CARF: variants seen among roughly 807,000 people sequenced by gnomAD.
CARF encodes the protein calcium-responsive transcription factor.
Under a neutral mutation model 82.0 loss-of-function variants are expected in CARF, and 57 were observed. The ratio of observed to expected loss-of-function variants is 0.70; its 90% CI spans 0.56 to 0.87. The LOEUF (loss-of-function observed/expected upper bound fraction) is 0.87, where lower values mean the gene tolerates loss of function less well. CARF is among the 40% of genes least tolerant of loss of function. The pLI is 0.00. For missense variants in CARF, 771 were observed against 855.8 expected, an observed-to-expected ratio of 0.90 and a Z score of 1.24; for synonymous variants, 268 against 290.1, an observed-to-expected ratio of 0.92 and a Z score of 0.77.
intron 12 of CARF, among the ~76,000 whole-genome samples, chr2:202,973,095 T>G (rs2059872290): frequency 6.6e-6 from 1 of 152,150 alleles, no homozygotes; most frequent in Non-Finnish European, 1.5e-5. Context: ...GAGAAAATAA[T>G]TTGGTTTTGT....
At position 202,982,108 on chromosome 2, in the gene CARF, G is replaced by A. The variant is rs375725532; in HGVS notation, c.1726G>A (p.Glu576Lys). The change falls in exon 16 of 17, where the codon GAA becomes AAA. Residue 576 changes from glutamate (E) to lysine (K), a missense_variant. By Grantham distance (56) the Glu-to-Lys change is moderately conservative. Coordinates refer to ENST00000438828, the MANE Select transcript of CARF (RefSeq NM_024744.17). ...QLQPRYTSPD[E>K]SPAVVSVNNQ... ...ACAACCAAGGTACACCTCTCCTGAT[G>A]AATCACCAGCTGTGGTATCAGTAAA... 2.9e-5 allele frequency: 46 copies of A among 1,613,958 alleles called. No homozygotes were observed. The highest frequency in any genetic ancestry group is 3.7e-5 in the Non-Finnish European group (44 of 1,179,976).
intron 7 of CARF, 152 bp downstream of exon 7, chr2:202,954,286 G>T: frequency 3.3e-6 from 3 of 913,058 alleles, no homozygotes; most frequent in Non-Finnish European, 4.6e-6. Flanking sequence ...AGGCATCTTG[G>T]TCATAAGGCG....
chr2:202,925,189 A>C, intron 3 of CARF: 3 of 326,852 alleles, frequency 9.2e-6, no homozygotes, highest in Non-Finnish European at 1.8e-5. Context: ...TTAAATAACC[A>C]AGCCTACAGA....
chr2:202,969,032 A>G (rs530166201), intron 10 of CARF, among the ~76,000 whole-genome samples: 2 of 152,248 alleles, frequency 1.3e-5, no homozygotes, highest in African/African-American at 2.4e-5. Flanking sequence ...GCTCACGCCT[A>G]TAATCCCAGA....
At position 202,983,576 on chromosome 2, in the gene CARF, T is replaced by A. The variant is rs2060349178; in HGVS notation, c.2130T>A (p.Ser710=). 1 of 1,611,872 alleles carries A rather than the reference T, an allele frequency of 6.2e-7. No homozygotes were observed. Among genetic ancestry groups the A allele is most frequent in the East Asian group, 2.2e-5 (1 of 44,786 alleles). Residue 710 remains serine, a synonymous_variant, in exon 17 of 17, where the codon TCT becomes TCA. Coordinates refer to ENST00000438828, the MANE Select transcript of CARF (RefSeq NM_024744.17). ...AAGAACCCAAAGAACCAGCATTGTC[T>A]ATGGAAGCAAAAAAAACTGTGGACT... ...VKQEPKEPAL[S]MEAKKTVDYK... is the part of the protein sequence containing the mutation.
At chr2:202,921,817 A>T (rs1446129667) in intron 2 of CARF, among the ~76,000 whole-genome samples, 2 of 152,122 alleles carry the variant, frequency 1.3e-5, no homozygotes, top group Admixed American at 1.3e-4. Context: ...TAAAACTTAA[A>T]ATTTTATTGA....
chr2:202,920,434 C>T (rs954103999), intron 2 of CARF, among the ~76,000 whole-genome samples: 5 of 152,098 alleles, frequency 3.3e-5, no homozygotes, highest in African/African-American at 9.7e-5. Context: ...GGATTACAGG[C>T]GTAAGCCACC....
At chr2:202,926,494 T>G (rs1478177140) in intron 3 of CARF, among the ~76,000 whole-genome samples, 1 of 152,206 alleles carries the variant, frequency 6.6e-6, no homozygotes, top group Non-Finnish European at 1.5e-5. Flanking sequence ...AATACCTTGA[T>G]TGTTATATCT....
chr2:202,945,110 G>A (rs759834863), intron 5 of CARF, among the ~76,000 whole-genome samples: 15 of 152,216 alleles, frequency 9.9e-5, no homozygotes, highest in African/African-American at 3.4e-4. Flanking sequence ...AGAATATTCC[G>A]GGAAACTTAG....
chr2:202,917,391 G>A (rs1689939439), intron 1 of CARF, among the ~76,000 whole-genome samples: 1 of 152,004 alleles, frequency 6.6e-6, no homozygotes, highest in African/African-American at 2.4e-5. Flanking sequence ...ATCATTAACT[G>A]TTTAGGCTCC....
At position 202,982,102 on chromosome 2, in the gene CARF, C is replaced by T; in HGVS notation, c.1720C>T (p.Pro574Ser). The T allele has an allele frequency of 6.2e-7, 1 of 1,614,082 alleles. No homozygotes were observed. Residue 574 changes from proline (P) to serine (S), a missense_variant, in exon 16 of 17, where the codon CCT becomes TCT. By Grantham distance (74) the Pro-to-Ser change is moderately conservative (BLOSUM62 -1). Coordinates refer to ENST00000438828, the MANE Select transcript of CARF (RefSeq NM_024744.17). ...GLQLQPRYTS[P>S]DESPAVVSVN... ...GCAGTTACAACCAAGGTACACCTCTCCTGATGAATCACCAGCTGTGGTATC... is the reference window on the plus strand; with the variant it reads ...GCAGTTACAACCAAGGTACACCTCTTCTGATGAATCACCAGCTGTGGTATC...
chr2:202,967,103 G>A lies in CARF; in HGVS notation c.953+5G>A. On this transcript the variant is annotated splice_donor_5th_base_variant and intron_variant, in intron 10 of 16. Transcript: ENST00000438828. The stretch of plus-strand genomic sequence containing the variant: ...CAAAGCCACTTGTCCAGCTCGGTAA[G>A]CTTTATTTTCTTTTATTTGTTTTCT... 1 of 1,607,656 alleles carries A rather than the reference G, an allele frequency of 6.2e-7. No homozygotes were observed. The highest frequency in any genetic ancestry group is 1.7e-5 in the Admixed American group (1 of 57,840).
chr2:202,977,367 C>T, intron 14 of CARF, 35 bp downstream of exon 14: 1 of 1,479,294 alleles, frequency 6.8e-7, no homozygotes, highest in South Asian at 1.2e-5. Context: ...AATATAAATT[C>T]AAATGGTGTT....
chr2:202,979,942 G>A (rs1399902814), intron 14 of CARF, among the ~76,000 whole-genome samples: 3 of 152,152 alleles, frequency 2.0e-5, no homozygotes, highest in African/African-American at 7.2e-5. Flanking sequence ...AGCAATAAAT[G>A]TTCATTGATA....
chr2:202,950,694 C>G (rs1020580830), intron 5 of CARF, among the ~76,000 whole-genome samples: 2 of 152,136 alleles, frequency 1.3e-5, no homozygotes, highest in Non-Finnish European at 2.9e-5. Context: ...TTTGTAACCT[C>G]TGTGTGACAG....
chr2:202,974,347 A>G lies in CARF; in HGVS notation c.1345A>G (p.Arg449Gly), dbSNP rs1179244896. 1 of 1,582,974 alleles carries G rather than the reference A, an allele frequency of 6.3e-7. No homozygotes were observed. Among genetic ancestry groups the G allele is most frequent in the Non-Finnish European group, 8.5e-7 (1 of 1,172,002 alleles). The change falls in exon 13 of 17, where the codon AGG (arginine) becomes GGG (glycine). Residue 449 changes from arginine (R) to glycine (G), a missense_variant. By Grantham distance (125) the Arg-to-Gly change is moderately radical. Coordinates refer to ENST00000438828, the MANE Select transcript of CARF (RefSeq NM_024744.17). Reference protein sequence around the residue: ...VRKQLRKFVERELFKPDEVPE... With the variant: ...VRKQLRKFVEGELFKPDEVPE... ...TATTCTTTACAGAAAATTTGTGGAA[A>G]GGGAACTGTTCAAACCCGATGAGGT... is the stretch of plus-strand genomic sequence containing the variant.
At chr2:202,948,095 T>C (rs1434485901) in intron 5 of CARF, among the ~76,000 whole-genome samples, 2 of 152,174 alleles carry the variant, frequency 1.3e-5, no homozygotes, top group Non-Finnish European at 2.9e-5. Flanking sequence ...CCTGGCACCA[T>C]TTACTTAGCA....
intron 3 of CARF, among the ~76,000 whole-genome samples, chr2:202,939,209 A>C (rs1181847514): frequency 6.6e-6 from 1 of 152,194 alleles, no homozygotes; most frequent in Non-Finnish European, 1.5e-5. Flanking sequence ...GCCAGCCATT[A>C]TCTCTTCAAA....
chr2:202,927,101 C>G (rs1691983170), intron 3 of CARF, among the ~76,000 whole-genome samples: 2 of 152,168 alleles, frequency 1.3e-5, no homozygotes, highest in Admixed American at 6.5e-5. Context: ...CAGGCATGAG[C>G]CACAGTGCCT....
Sources: gnomAD v4.1 joint callset for allele counts (sites outside exome capture counted in the v4.1 genomes callset) on GRCh38, gnomAD v4.1.1 for gene constraint, MANE v1.5 for transcripts, NCBI Gene and HGNC (gene_info 2026-07-23, HGNC 2026-07-21) for gene names.